Variants in HIBCH observed in about 807,000 individuals in gnomAD.
The protein encoded by HIBCH is 3-hydroxyisobutyryl-CoA hydrolase.
In HIBCH, 50 loss-of-function variants were observed where a neutral mutation model predicts 58.2. That is an observed-to-expected ratio of 0.86 (90% CI 0.68 to 1.09). The LOEUF is 1.09. Ranked by LOEUF, HIBCH falls within the 50% of genes least tolerant of loss-of-function variation. The pLI is 0.00. For missense variants in HIBCH, 450 were observed against 449.7 expected, an observed-to-expected ratio of 1.00 and a Z score of -0.01; for synonymous variants, 151 against 146.9, an observed-to-expected ratio of 1.03 and a Z score of -0.20.
intron 3 of HIBCH, 74 bp from the exon 4 acceptor site, chr2:190,294,704 A>G: frequency 1.1e-6 from 1 of 902,278 alleles, no homozygotes; most frequent in South Asian, 1.3e-5. Flanking sequence ...GCATATGCAC[A>G]TATATTCAAT....
chr2:190,251,255 CTT>C (rs1214801305), intron 8 of HIBCH, among the ~76,000 whole-genome samples: 1 of 152,106 alleles, frequency 6.6e-6, no homozygotes, highest in African/African-American at 2.4e-5. Flanking sequence ...CTAAAACACC[CTT>C]CCCTTAAGAT....
intron 11 of HIBCH, among the ~76,000 whole-genome samples, chr2:190,226,393 C>T (rs1480176262): frequency 1.3e-5 from 2 of 152,036 alleles, no homozygotes; most frequent in Non-Finnish European, 2.9e-5. Flanking sequence ...GTCAGGAGTT[C>T]GAGACCAGCC....
intron 2 of HIBCH, among the ~76,000 whole-genome samples, chr2:190,307,356 T>C (rs1461156884): frequency 1.3e-5 from 2 of 152,222 alleles, no homozygotes; most frequent in African/African-American, 4.8e-5. Context: ...AGCTTTTGCA[T>C]ATTAAATTAA....
chr2:190,238,005 C>CT (rs937913666), intron 11 of HIBCH, among the ~76,000 whole-genome samples: 5 of 152,118 alleles, frequency 3.3e-5, no homozygotes, highest in South Asian at 2.1e-4. Flanking sequence ...TGAACTCATT[C>CT]TTTTTTTACA....
At chr2:190,196,629 A>G (rs1038760418) in intron 1 of HIBCH, among the ~76,000 whole-genome samples, 7 of 151,420 alleles carry the variant, frequency 4.6e-5, no homozygotes, top group Admixed American at 1.3e-4. Context: ...CTTGTAAGGC[A>G]TCTGGCTTAT....
chr2:190,234,307 C>T (rs1686198362), intron 11 of HIBCH, among the ~76,000 whole-genome samples: 1 of 152,228 alleles, frequency 6.6e-6, no homozygotes, highest in Non-Finnish European at 1.5e-5. Flanking sequence ...AGCACTACTT[C>T]TGGGTATATA....
Position 190,213,003 on chromosome 2 carries a change from A to C in HIBCH, c.964T>G (p.Leu322Val). ...TACTCCATAGTTAGTACTTCTTGCA[A>C]GGTCTTTGAAGACCCCTCCATGAGT... ...RQLMEGSSKT[L>V]QEVLTMEYRL... Residue 322 changes from leucine (L) to valine (V), a missense_variant, in exon 12 of 14, where the codon TTG (leucine) becomes GTG (valine). By Grantham distance (32) the Leu-to-Val change is conservative (BLOSUM62 1). Coordinates refer to ENST00000359678, the MANE Select transcript of HIBCH (RefSeq NM_014362.4). 6.2e-7 allele frequency: 1 copy of C among 1,610,262 alleles called. No individual in the cohort carries two copies. The highest frequency in any genetic ancestry group is 1.1e-5 in the South Asian group (1 of 90,994).
intron 6 of HIBCH, among the ~76,000 whole-genome samples, chr2:190,275,875 G>A (rs1447837065): frequency 6.6e-6 from 1 of 152,184 alleles, no homozygotes; most frequent in Non-Finnish European, 1.5e-5. Flanking sequence ...ACACAATTCT[G>A]ACTGAAAAAT....
chr2:190,295,912 T>C (rs752405162), intron 3 of HIBCH, among the ~76,000 whole-genome samples: 40 of 152,210 alleles, frequency 2.6e-4, no homozygotes, highest in Non-Finnish European at 5.7e-4. Context: ...TACTTATATA[T>C]ACTATTCACT....
At chr2:190,191,333 CAG>C (rs1419088846) in intron 1 of HIBCH, among the ~76,000 whole-genome samples, 1 of 152,090 alleles carries the variant, frequency 6.6e-6, no homozygotes, top group Non-Finnish European at 1.5e-5. Flanking sequence ...TCAGTAGAGA[CAG>C]AGTTTCACCA....
At chr2:190,228,645 A>AT (rs1171435180) in intron 11 of HIBCH, among the ~76,000 whole-genome samples, 2 of 152,164 alleles carry the variant, frequency 1.3e-5, no homozygotes, top group Non-Finnish European at 2.9e-5. Context: ...GTGTATTGAT[A>AT]TAATTTTGTA....
chr2:190,224,382 G>A (rs578078456), intron 11 of HIBCH, among the ~76,000 whole-genome samples: 3 of 152,130 alleles, frequency 2.0e-5, no homozygotes, highest in Non-Finnish European at 4.4e-5. Flanking sequence ...GCTGTATTCA[G>A]GAGACCCATC....
chr2:190,223,668 G>A (rs1359178039), intron 11 of HIBCH, among the ~76,000 whole-genome samples: 1 of 152,244 alleles, frequency 6.6e-6, no homozygotes, highest in Non-Finnish European at 1.5e-5. Context: ...TAGAATGAGA[G>A]CATGGAAAGG....
intron 6 of HIBCH, among the ~76,000 whole-genome samples, chr2:190,265,362 A>T (rs914754556): frequency 1.3e-5 from 2 of 151,764 alleles, no homozygotes; most frequent in African/African-American, 4.8e-5. Flanking sequence ...TACAGTTGAG[A>T]GCTTTTTCAG....
In HIBCH at chr2:190,205,180, TTC is replaced by T; in HGVS notation, c.1096_1097del (p.Glu366SerfsTer3). 1 of 1,611,480 alleles carries T rather than the reference TTC, an allele frequency of 6.2e-7. No individual in the cohort carries two copies. The highest frequency in any genetic ancestry group is 8.5e-7 in the Non-Finnish European group (1 of 1,178,058). On this transcript the variant is annotated frameshift_variant, in exon 14 of 14. Transcript: ENST00000359678. LOFTEE classifies it high-confidence loss of function. Reference sequence around the variant, plus strand: ...GATTATTCAAATCTTCCTCAGTAACTTCTTTTAGATCAGCTGGTTTCCATTTT... The same window carrying T: ...GATTATTCAAATCTTCCTCAGTAACTTTTTAGATCAGCTGGTTTCCATTTT... ...SPKWKPADLK[E>X]VTEEDLNNHF...
At chr2:190,298,921 A>G (rs1238181453) in intron 2 of HIBCH, among the ~76,000 whole-genome samples, 2 of 152,116 alleles carry the variant, frequency 1.3e-5, no homozygotes, top group African/African-American at 4.8e-5. Flanking sequence ...TAATTTTTGT[A>G]TAAGATGTAA....
intron 6 of HIBCH, among the ~76,000 whole-genome samples, chr2:190,269,748 T>C (rs930235374): frequency 5.3e-5 from 8 of 152,174 alleles, no homozygotes; most frequent in Non-Finnish European, 1.2e-4. Context: ...TTATAAATCA[T>C]TCTACTATAA....
intron 9 of HIBCH, among the ~76,000 whole-genome samples, chr2:190,246,484 T>C (rs1237011012): frequency 6.6e-6 from 1 of 152,210 alleles, no homozygotes. Context: ...ATTTGACACA[T>C]TATCATTAAA....
At chr2:190,291,892 C>T (rs1687966505) in intron 4 of HIBCH, among the ~76,000 whole-genome samples, 1 of 152,214 alleles carries the variant, frequency 6.6e-6, no homozygotes, top group Admixed American at 6.5e-5. Flanking sequence ...ACAAACTAAA[C>T]ATTTCATAGA....
Sources: allele counts gnomAD v4.1 joint callset (sites outside exome capture counted in the v4.1 genomes callset), GRCh38; gene constraint gnomAD v4.1.1; transcripts MANE v1.5; gene names NCBI Gene and HGNC (gene_info 2026-07-23, HGNC 2026-07-21).